Variants in SBK1 observed in about 807,000 individuals in gnomAD.
SBK1 encodes serine/threonine-protein kinase SBK1.
Under a neutral mutation model 24.4 loss-of-function variants are expected in SBK1, and 11 were observed. The ratio of observed to expected loss-of-function variants is 0.45; its 90% confidence interval spans 0.28 to 0.75. The LOEUF (loss-of-function observed/expected upper bound fraction) is 0.75. Among genes scored for constraint, SBK1 ranks in the 30% least tolerant of loss-of-function variants. The pLI, the probability that SBK1 is intolerant of heterozygous loss-of-function variation, is 0.12. For missense variants in SBK1, 467 were observed against 620.5 expected, an observed-to-expected ratio of 0.75 and a Z score of 2.63; for synonymous variants, 308 against 284.4, an observed-to-expected ratio of 1.08 and a Z score of -0.83.
At position 28,321,058 on chromosome 16, in the gene SBK1, A is replaced by ACCTGGTCCGTCC. The variant is rs1429865108; in HGVS notation, c.*140_*151dup. 3.7e-6 allele frequency: 3 copies of ACCTGGTCCGTCC among 816,928 alleles called. No homozygotes were observed. In the African/African-American group the frequency reaches 5.6e-5, roughly 15 times the overall value. 50.6% of individuals were successfully genotyped at this position (816,928 alleles called of 1,614,324 possible). ...TAGACTAGGCAGGACGCGGCCCGGC[A>ACCTGGTCCGTCC]CCTGGTCCGTCCCCGGCGGGCTGGT... On this transcript the variant is annotated 3_prime_UTR_variant, in exon 4 of 4. Transcript: ENST00000341901.
At chr16:28,278,233 G>C (rs1447767350) in intron 1 of SBK1, among the ~76,000 whole-genome samples, 1 of 152,264 alleles carries the variant, frequency 6.6e-6, no homozygotes, top group Non-Finnish European at 1.5e-5. Context: ...GGTCCCGGGA[G>C]AGAGACTGAG....
At chr16:28,259,167 C>T (rs1228944778), upstream of SBK1, 1 of 152,408 alleles carries the variant, frequency 6.6e-6, no homozygotes, top group East Asian at 1.9e-4. The surrounding 1 kb of genome is among the most constrained non-coding windows in gnomAD (Gnocchi z 6.0). Flanking sequence ...CTGGAACCCC[C>T]ACGGGTCAAG....
rs182226285 is a variant in SBK1, at chr16:28,309,734, T to A, written c.-7-7651T>A. ...CAAAATGGGGAAACCTTTTATTTTT[T>A]AAAAAAATAAAATAATAGGAAGCAC... On this transcript the variant is annotated intron_variant, in intron 1 of 3. Transcript: ENST00000341901. 8.5e-3 allele frequency among the ~76,000 whole-genome samples: 1,293 copies of A among 152,186 alleles called. 19 individuals are homozygous for A. Among genetic ancestry groups the A allele is most frequent in the African/African-American group, 0.03 (1,234 of 41,510 alleles).
chr16:28,277,046 A>C (rs2044497774), intron 1 of SBK1, among the ~76,000 whole-genome samples: 1 of 151,992 alleles, frequency 6.6e-6, no homozygotes, highest in African/African-American at 2.4e-5. Context: ...GAGTGCCTGA[A>C]ATAGAGAACT....
chr16:28,271,559 C>A (rs1376373813), intron 1 of SBK1, among the ~76,000 whole-genome samples: 1 of 151,926 alleles, frequency 6.6e-6, no homozygotes, highest in Non-Finnish European at 1.5e-5. Flanking sequence ...TCCGTCCCCC[C>A]ACCCCCAAAA....
intron 1 of SBK1, among the ~76,000 whole-genome samples, chr16:28,312,357 A>G (rs1224864973): frequency 1.3e-5 from 2 of 152,204 alleles, no homozygotes; most frequent in Non-Finnish European, 2.9e-5. Context: ...TGGTGGGTGG[A>G]CATTTCACAG....
At chr16:28,291,195 A>G, upstream of SBK1, 1 of 152,234 alleles carries the variant, frequency 6.6e-6, no homozygotes, top group Non-Finnish European at 1.5e-5. Context: ...TGATGAGTTC[A>G]TGTCCTTTGT....
At chr16:28,272,005 C>T (rs892431338) in intron 1 of SBK1, among the ~76,000 whole-genome samples, 6 of 152,128 alleles carry the variant, frequency 3.9e-5, no homozygotes, top group Admixed American at 2.6e-4. Context: ...TTGCTAGTTT[C>T]GTTTTACTGT....
Position 28,322,925 on chromosome 16 carries a change from TCTCTCCCTCTCTCTC to T in SBK1, c.*2005_*2019del. The T allele has an allele frequency of 5.5e-5, 1 of 18,024 alleles. No individual in the cohort carries two copies. The highest frequency in any genetic ancestry group is 1.3e-3 in the East Asian group (1 of 790). The allele number at this position is 18,024 out of a possible 1,614,324, so 1.1% of individuals were successfully genotyped here. A position where few individuals can be genotyped will look rare whatever the true frequency, so the allele number is the denominator to read the frequency against. On this transcript the variant is annotated 3_prime_UTR_variant, in exon 4 of 4. Transcript: ENST00000341901. ...CGCTCTCTCTCTCGCGCGCGCTCTC[TCTCTCCCTCTCTCTC>T]TCTCTCTCTCTCTCTCTCTCTCTCT... is the stretch of plus-strand genomic sequence containing the variant.
intron 1 of SBK1, among the ~76,000 whole-genome samples, chr16:28,268,419 A>G (rs2044443531): frequency 6.7e-6 from 1 of 148,684 alleles, no homozygotes; most frequent in South Asian, 2.1e-4. Flanking sequence ...ATTTTTAAAA[A>G]TGGGTTTTTT....
intron 1 of SBK1, among the ~76,000 whole-genome samples, chr16:28,315,233 G>T (rs537421362): frequency 6.6e-6 from 1 of 152,000 alleles, no homozygotes; most frequent in Non-Finnish European, 1.5e-5. Flanking sequence ...ACCGGGGTTG[G>T]GGGGATGGGG....
chr16:28,261,305 G>C (rs190802092), intron 1 of SBK1, among the ~76,000 whole-genome samples: 12 of 152,242 alleles, frequency 7.9e-5, no homozygotes, highest in Admixed American at 2.6e-4. Flanking sequence ...TTGAAAGATA[G>C]GGCATCAGGC....
chr16:28,267,844 T>C (rs901620210), intron 1 of SBK1, among the ~76,000 whole-genome samples: 7 of 152,208 alleles, frequency 4.6e-5, no homozygotes, highest in African/African-American at 1.7e-4. Flanking sequence ...TAAGAAGGGC[T>C]TAAATCCTCA....
At chr16:28,270,860 TTTATTTATTTA>T in intron 1 of SBK1, among the ~76,000 whole-genome samples, 1 of 151,236 alleles carries the variant, frequency 6.6e-6, no homozygotes, top group South Asian at 2.1e-4. Context: ...TATTTATTTA[TTTATTTATTTA>T]TTTATTTTTT....
intron 1 of SBK1, among the ~76,000 whole-genome samples, chr16:28,262,966 C>T (rs925057094): frequency 3.9e-5 from 6 of 152,132 alleles, no homozygotes; most frequent in Non-Finnish European, 5.9e-5. Flanking sequence ...TCATCACCCA[C>T]GGCCACTGCT....
intron 1 of SBK1, among the ~76,000 whole-genome samples, chr16:28,304,155 A>G (rs2044699233): frequency 6.6e-6 from 1 of 152,196 alleles, no homozygotes; most frequent in Non-Finnish European, 1.5e-5. Context: ...GTTAGCCACG[A>G]CCCAAGTGTC....
At chr16:28,271,565 C>G (rs76964462) in intron 1 of SBK1, among the ~76,000 whole-genome samples, 6 of 151,812 alleles carry the variant, frequency 4.0e-5, no homozygotes, top group African/African-American at 9.7e-5. Context: ...CCCCCACCCC[C>G]AAAAAAGAGA....
chr16:28,292,008 T>G (rs950252182), upstream of SBK1: 5 of 152,058 alleles, frequency 3.3e-5, no homozygotes, highest in African/African-American at 9.7e-5. Flanking sequence ...GATGGATGGA[T>G]GGATGGAAGC....
At chr16:28,318,101 G>A (rs540849992) in intron 2 of SBK1, among the ~76,000 whole-genome samples, 1 of 152,282 alleles carries the variant, frequency 6.6e-6, no homozygotes, top group Non-Finnish European at 1.5e-5. Context: ...GGGAGACCTA[G>A]GCCAATTCAG....
Sources: gnomAD v4.1 joint callset for allele counts (sites outside exome capture counted in the v4.1 genomes callset) on GRCh38, gnomAD v4.1.1 for gene constraint, Gnocchi (gnomAD v3.1) non-coding constraint, MANE v1.5 for transcripts, NCBI Gene and HGNC (gene_info 2026-07-23, HGNC 2026-07-21) for gene names.